Variants in PCNX2 observed in about 807,000 individuals in gnomAD.
PCNX2 encodes pecanex-like protein 2.
In PCNX2, 168 loss-of-function variants were observed where a neutral mutation model predicts 223.8. The ratio of observed to expected loss-of-function variants is 0.75; its 90% CI spans 0.66 to 0.85. The LOEUF is 0.85. Among genes scored for constraint, PCNX2 ranks in the 40% least tolerant of loss-of-function variants. The pLI is 0.00. For missense variants in PCNX2, 2,507 were observed against 2,675.5 expected (o/e 0.94, Z 1.39); for synonymous variants, 1,006 against 1,052.6 (o/e 0.96, Z 0.86).
chr1:233,070,992 T>C (rs1364414314), intron 23 of PCNX2, among the ~76,000 whole-genome samples: 1 of 152,118 alleles, frequency 6.6e-6, no homozygotes, highest in Admixed American at 6.5e-5. Flanking sequence ...GCCGAGATCA[T>C]GCCACTGCAC....
In PCNX2 at chr1:233,129,200, C is replaced by T. The variant is rs542053189; in HGVS notation, c.3837+5813G>A. 4.3e-4 allele frequency among the ~76,000 whole-genome samples: 66 copies of T among 152,324 alleles called. 1 individual carries two copies. Among genetic ancestry groups the T allele is most frequent in the South Asian group, 3.7e-3 (18 of 4,828 alleles). On this transcript the variant is annotated intron_variant, in intron 21 of 33. Coordinates refer to ENST00000258229, the MANE Select transcript of PCNX2 (RefSeq NM_014801.4). ...GAGTTCCGGATGGGCGTGGGCTTGG[C>T]GGGCCCCGCACTCAGAGCGGCCCCG... is the stretch of plus-strand genomic sequence containing the variant.
chr1:233,213,854 G>A (rs139871656), intron 12 of PCNX2, among the ~76,000 whole-genome samples: 81 of 100,132 alleles, frequency 8.1e-4, no homozygotes, highest in African/African-American at 3.1e-3. Flanking sequence ...TTGAGACAGA[G>A]TCTCACTCTA....
Position 232,997,742 on chromosome 1 carries a change from C to A in PCNX2, c.5791+509G>T, listed in dbSNP as rs141281577. ...CAGCCAGGCTTGGTTGCAGCCACCT[C>A]CTAGGTTCCTATCTGTGGGCACCCT... On this transcript the variant is annotated intron_variant, in intron 32 of 33. Coordinates refer to ENST00000258229, the MANE Select transcript of PCNX2 (RefSeq NM_014801.4). 3.2e-4 allele frequency among the ~76,000 whole-genome samples: 49 copies of A among 152,304 alleles called. No homozygotes were observed. The East Asian group carries it at 7.3e-3, about 23-fold the overall frequency.
At chr1:233,320,223 TA>T in the PCNX2 span, among the ~76,000 whole-genome samples, 2 of 152,174 alleles carry the variant, frequency 1.3e-5, no homozygotes, top group Non-Finnish European at 2.9e-5. Flanking sequence ...CCAATGGAAT[TA>T]TGCATAATTA....
Position 233,198,931 on chromosome 1 carries a change from A to G in PCNX2, c.3066+8T>C. On this transcript the variant is annotated splice_region_variant and intron_variant, in intron 15 of 33. Coordinates refer to ENST00000258229, the MANE Select transcript of PCNX2 (RefSeq NM_014801.4). The stretch of plus-strand genomic sequence containing the variant: ...AGAAGGATGAGGGCCCATGGTCCTC[A>G]CACCTACCTTCACTGCACTGAAGCA... The G allele has an allele frequency of 6.3e-7, 1 of 1,597,394 alleles. No homozygotes were observed. The highest frequency in any genetic ancestry group is 8.5e-7 in the Non-Finnish European group (1 of 1,171,806).
At chr1:233,028,692 T>G (rs1671165172) in intron 25 of PCNX2, among the ~76,000 whole-genome samples, 2 of 152,236 alleles carry the variant, frequency 1.3e-5, no homozygotes, top group African/African-American at 4.8e-5. Flanking sequence ...ACTTGCTTTT[T>G]TATCTAGTCT....
intron 1 of PCNX2, among the ~76,000 whole-genome samples, chr1:233,278,542 T>C (rs1661027542): frequency 6.6e-6 from 1 of 152,194 alleles, no homozygotes; most frequent in Non-Finnish European, 1.5e-5. Context: ...AGGAAATGTC[T>C]TGAGAATTAT....
intron 21 of PCNX2, among the ~76,000 whole-genome samples, chr1:233,122,217 A>G (rs561947670): frequency 6.6e-6 from 1 of 152,288 alleles, no homozygotes; most frequent in East Asian, 1.9e-4. Flanking sequence ...AACAAGATAA[A>G]TAAATAATAG....
intron 26 of PCNX2, among the ~76,000 whole-genome samples, chr1:233,019,669 G>A (rs1036178134): frequency 6.6e-6 from 1 of 152,142 alleles, no homozygotes; most frequent in Non-Finnish European, 1.5e-5. Flanking sequence ...GGCAGGCAGT[G>A]GCAGCAGTAG....
intron 23 of PCNX2, among the ~76,000 whole-genome samples, chr1:233,061,388 CT>C (rs1014415738): frequency 3.3e-5 from 5 of 152,326 alleles, no homozygotes; most frequent in African/African-American, 1.2e-4. Flanking sequence ...TGGCACTCTG[CT>C]GTCACCACGC....
intron 8 of PCNX2, among the ~76,000 whole-genome samples, chr1:233,249,914 C>G (rs1015547821): frequency 2.0e-5 from 3 of 152,170 alleles, no homozygotes; most frequent in Non-Finnish European, 2.9e-5. Context: ...GACCCCTCCC[C>G]CTGAATTTCC....
intron 25 of PCNX2, among the ~76,000 whole-genome samples, chr1:233,049,775 A>G (rs1197545919): frequency 6.6e-6 from 1 of 152,156 alleles, no homozygotes; most frequent in Non-Finnish European, 1.5e-5. Context: ...AGGATACAAA[A>G]TCAATGTACA....
At chr1:233,257,391 T>C (rs1558397722) in intron 5 of PCNX2, among the ~76,000 whole-genome samples, 2 of 152,298 alleles carry the variant, frequency 1.3e-5, no homozygotes, top group East Asian at 1.9e-4. Context: ...TAATTTATCA[T>C]CTAAACTGGG....
At chr1:233,105,041 A>T (rs1462102254) in intron 21 of PCNX2, among the ~76,000 whole-genome samples, 4 of 152,202 alleles carry the variant, frequency 2.6e-5, no homozygotes, top group African/African-American at 9.6e-5. Flanking sequence ...TTGCCTTAAA[A>T]TGTGCATCTT....
Position 233,017,169 on chromosome 1 carries a change from C to CAAGATTTTGAGTCCTCA in PCNX2, c.4606-16_4606-15insTGAGGACTCAAAATCTT, listed in dbSNP as rs1558165220. On this transcript the variant is annotated splice_polypyrimidine_tract_variant and intron_variant, in intron 26 of 33. Transcript: ENST00000258229. ...TATATTATACTCTGCAGAGAAAAAG[C>CAAGATTTTGAGTCCTCA]CAGGAAGATTTTATTTATTAATTTA... is the stretch of plus-strand genomic sequence containing the variant. 3 of 1,534,480 alleles carry CAAGATTTTGAGTCCTCA rather than the reference C, an allele frequency of 2.0e-6. No individual in the cohort carries two copies. The highest frequency in any genetic ancestry group is 2.3e-5 in the East Asian group (1 of 43,502).
At chr1:233,208,434 A>G in intron 13 of PCNX2, 84 bp downstream of exon 13, 1 of 1,393,162 alleles carries the variant, frequency 7.2e-7, no homozygotes, top group Non-Finnish European at 9.8e-7. Context: ...ATAATCAAGT[A>G]AGGAAGCTTA....
rs1271800038 is a variant in PCNX2, at chr1:233,017,069, G to A, written c.4691C>T (p.Ala1564Val). The A allele has an allele frequency of 2.5e-6, 4 of 1,595,840 alleles. No individual in the cohort carries two copies. In the East Asian group the frequency reaches 9.1e-5, roughly 36 times the overall value. The change falls in exon 27 of 34, where the codon GCC becomes GTC. Residue 1564 changes from alanine (A) to valine (V), a missense_variant. Physicochemically the swap from Ala to Val is moderately conservative, Grantham distance 64. Around this residue, in one of 3 missense-constraint regions of PCNX2, gnomAD observed 1,372 missense variants for 1,509.4 expected, o/e 0.91. Coordinates refer to ENST00000258229, the MANE Select transcript of PCNX2 (RefSeq NM_014801.4). ...GTCACGCTCAATGTAATGCCACTTGGCAAAGGGCTGCAGGGACTTCAGAAG... is the reference window on the plus strand; with the variant it reads ...GTCACGCTCAATGTAATGCCACTTGACAAAGGGCTGCAGGGACTTCAGAAG... ...ESLLKSLQPF[A>V]KWHYIERDLA...
At chr1:233,147,545 G>T (rs1459820272) in intron 19 of PCNX2, among the ~76,000 whole-genome samples, 2 of 151,502 alleles carry the variant, frequency 1.3e-5, no homozygotes, top group Non-Finnish European at 2.9e-5. Context: ...GGAAGGGAAG[G>T]CAGGAGAGAC....
intron 17 of PCNX2, among the ~76,000 whole-genome samples, chr1:233,173,149 A>T: frequency 6.6e-6 from 1 of 150,530 alleles, no homozygotes; most frequent in African/African-American, 2.4e-5. Context: ...CTTTTTTCTG[A>T]TTATTCAGTC....
Sources: gnomAD v4.1 joint callset for allele counts (sites outside exome capture counted in the v4.1 genomes callset) on GRCh38, gnomAD v4.1.1 for gene constraint, gnomAD v4.1.1 regional missense constraint, MANE v1.5 for transcripts, NCBI Gene and HGNC (gene_info 2026-07-23, HGNC 2026-07-21) for gene names.